The following FBXL7 variants were observed in gnomAD, a reference collection of about 807,000 sequenced individuals.
FBXL7 encodes the protein F-box/LRR-repeat protein 7.
FBXL7 carries 12 observed loss-of-function variants against 38.3 expected under a neutral mutation model. The ratio of observed to expected loss-of-function variants is 0.31; its 90% confidence interval spans 0.20 to 0.51. The LOEUF (loss-of-function observed/expected upper bound fraction) is 0.51. Among genes scored for constraint, FBXL7 ranks in the 20% least tolerant of loss-of-function variants. The pLI, the probability that FBXL7 is intolerant of heterozygous loss-of-function variation, is 0.98. For missense variants in FBXL7, 567 were observed against 676.4 expected (o/e 0.84, Z 1.79); for synonymous variants, 297 against 300.9 (o/e 0.99, Z 0.13).
intron 2 of FBXL7, among the ~76,000 whole-genome samples, chr5:15,767,440 G>T (rs955138324): frequency 6.6e-6 from 1 of 152,280 alleles, no homozygotes; most frequent in African/African-American, 2.4e-5. Context: ...TCTTTGCGGT[G>T]TGAGGAAGGC....
At chr5:15,837,229 T>A (rs995988924) in intron 2 of FBXL7, among the ~76,000 whole-genome samples, 2 of 152,182 alleles carry the variant, frequency 1.3e-5, no homozygotes, top group Admixed American at 6.5e-5. Flanking sequence ...GATACTTGCT[T>A]TATATTAGAA....
intron 2 of FBXL7, among the ~76,000 whole-genome samples, chr5:15,694,543 A>G (rs1400689591): frequency 2.6e-5 from 4 of 152,202 alleles, no homozygotes; most frequent in Admixed American, 6.5e-5. Context: ...TAATCCTTTA[A>G]CTAGACCTTG....
In FBXL7 at chr5:15,878,415, C is replaced by T. The variant is rs916287939; in HGVS notation, c.128-49475C>T. 5.9e-5 allele frequency among the ~76,000 whole-genome samples: 9 copies of T among 152,184 alleles called. 1 individual carries two copies. In the East Asian group the frequency reaches 1.3e-3, roughly 23 times the overall value. ...ACTGATGGCTTCTTTCCCCCCAAGT[C>T]TCTCTCCATGTTCTCCAGCAACTCT... On this transcript the variant is annotated intron_variant, in intron 2 of 3. Transcript: ENST00000504595.
chr5:15,627,054 T>G (rs1740845159), intron 2 of FBXL7, among the ~76,000 whole-genome samples: 1 of 152,220 alleles, frequency 6.6e-6, no homozygotes, highest in African/African-American at 2.4e-5. Flanking sequence ...GGTTTAATAA[T>G]GATTTCGGTG....
chr5:15,500,826 G>C (rs1580339465), intron 1 of FBXL7, 113 bp downstream of exon 1: 1 of 1,329,828 alleles, frequency 7.5e-7, no homozygotes. Context: ...ACCCCATTTG[G>C]CACCCTGTCT....
chr5:15,746,412 A>T (rs1736015379), intron 2 of FBXL7, among the ~76,000 whole-genome samples: 1 of 152,196 alleles, frequency 6.6e-6, no homozygotes. Context: ...TGGGTTATAC[A>T]CTATGGAAAT....
intron 2 of FBXL7, among the ~76,000 whole-genome samples, chr5:15,684,212 C>T (rs567431342): frequency 1.7e-4 from 26 of 152,200 alleles, no homozygotes; most frequent in Middle Eastern, 3.4e-3. Context: ...GGTACGTGAA[C>T]GAACAAGCCT....
intron 2 of FBXL7, among the ~76,000 whole-genome samples, 169 bp downstream of exon 2, chr5:15,616,241 G>A (rs538113441): frequency 2.0e-5 from 3 of 152,212 alleles, no homozygotes; most frequent in Admixed American, 1.3e-4. Flanking sequence ...TTGTTGTTGC[G>A]CTGCAGTTAC....
chr5:15,604,761 A>G (rs1739949232), intron 1 of FBXL7, among the ~76,000 whole-genome samples: 1 of 152,114 alleles, frequency 6.6e-6, no homozygotes, highest in Admixed American at 6.6e-5. Context: ...TTTCCATTTC[A>G]CATTTTCGTT....
intron 2 of FBXL7, among the ~76,000 whole-genome samples, chr5:15,887,104 G>T (rs559400922): frequency 1.3e-5 from 2 of 152,070 alleles, no homozygotes; most frequent in Admixed American, 1.3e-4. Flanking sequence ...TAAAAAAATC[G>T]TTTATATATG....
intron 2 of FBXL7, among the ~76,000 whole-genome samples, chr5:15,817,546 TGTA>T (rs1738051080): frequency 6.6e-6 from 1 of 152,116 alleles, no homozygotes. Flanking sequence ...CATCTTGAAT[TGTA>T]GTTCCTATTA....
At chr5:15,519,095 G>A (rs1330282458) in intron 1 of FBXL7, among the ~76,000 whole-genome samples, 2 of 152,072 alleles carry the variant, frequency 1.3e-5, no homozygotes, top group African/African-American at 2.4e-5. Context: ...GGTAATCCTG[G>A]CACTTTGGGA....
intron 2 of FBXL7, among the ~76,000 whole-genome samples, chr5:15,625,353 TA>T (rs756363753): frequency 3.7e-4 from 57 of 152,004 alleles, no homozygotes; most frequent in African/African-American, 1.2e-3. Context: ...ATTTTCCCTT[TA>T]AAAAAAACTG....
chr5:15,580,429 G>A (rs188890248), intron 1 of FBXL7, among the ~76,000 whole-genome samples: 28 of 152,282 alleles, frequency 1.8e-4, no homozygotes, highest in Admixed American at 7.8e-4. Context: ...CTCTGGATGG[G>A]GGCATGGCAA....
chr5:15,652,546 G>A (rs1010788645), intron 2 of FBXL7, among the ~76,000 whole-genome samples: 6 of 152,296 alleles, frequency 3.9e-5, no homozygotes, highest in South Asian at 2.1e-4. Context: ...GATTACAGGC[G>A]TGAGCCATAA....
At chr5:15,904,936 A>G (rs1223062982) in intron 2 of FBXL7, among the ~76,000 whole-genome samples, 2 of 152,188 alleles carry the variant, frequency 1.3e-5, no homozygotes, top group Non-Finnish European at 2.9e-5. Context: ...ATGAGCCAGA[A>G]TCCACCATTC....
At chr5:15,802,405 C>T (rs1737593733) in intron 2 of FBXL7, among the ~76,000 whole-genome samples, 1 of 152,090 alleles carries the variant, frequency 6.6e-6, no homozygotes, top group Non-Finnish European at 1.5e-5. Context: ...CCTCTGATTC[C>T]AGATGTCTAC....
chr5:15,626,544 C>CTGTGTGTGTGTGTGTGTGTGTGTGTG (rs71603784), intron 2 of FBXL7, among the ~76,000 whole-genome samples: 34 of 148,238 alleles, frequency 2.3e-4, no homozygotes, highest in Admixed American at 4.1e-4. Context: ...AATTCGTTTC[C>CTGTGTGTGTGTGTGTGTGTGTGTGTG]TGTGTGTGTG....
At chr5:15,575,391 C>T (rs1422146268) in intron 1 of FBXL7, among the ~76,000 whole-genome samples, 3 of 152,008 alleles carry the variant, frequency 2.0e-5, no homozygotes, top group Non-Finnish European at 4.4e-5. Context: ...GATTCTTTGA[C>T]GAGCGCAACA....
Sources: allele counts gnomAD v4.1 joint callset (sites outside exome capture counted in the v4.1 genomes callset), GRCh38; gene constraint gnomAD v4.1.1; transcripts MANE v1.5; gene names NCBI Gene and HGNC (gene_info 2026-07-23, HGNC 2026-07-21).